Variants in LMNTD1 observed in about 807,000 individuals in gnomAD.
The protein encoded by LMNTD1 is lamin tail domain containing 1, also known as lamin tail domain-containing protein 1.
A neutral mutation model predicts 50.9 loss-of-function variants in LMNTD1; 35 were observed. The ratio of observed to expected loss-of-function variants is 0.69; its 90% CI spans 0.53 to 0.91. LMNTD1 has a LOEUF of 0.91. Among genes scored for constraint, LMNTD1 ranks in the 40% least tolerant of loss-of-function variants. LMNTD1 has a pLI of 0.00. For missense variants in LMNTD1, 470 were observed against 475.5 expected (o/e 0.99, Z 0.11); for synonymous variants, 153 against 161.9 (o/e 0.94, Z 0.42).
intron 6 of LMNTD1, 64 bp from the exon 7 acceptor site, chr12:25,520,139 GATATACATATATATAT>G (rs1474831609): frequency 0.025 from 3,735 of 152,446 alleles, 243 homozygotes; most frequent in African/African-American, 0.098. Flanking sequence ...GCTGTTATGA[GATATACATATATATAT>G]ATATATATAT....
intron 1 of LMNTD1, among the ~76,000 whole-genome samples, chr12:25,614,714 G>C (rs193010770): frequency 1.3e-5 from 2 of 152,276 alleles, no homozygotes; most frequent in East Asian, 3.9e-4. Flanking sequence ...TGGCAAATAG[G>C]GAAAGTGGCT....
At chr12:25,502,000 T>G (rs1939417722) in intron 9 of LMNTD1, among the ~76,000 whole-genome samples, 1 of 152,124 alleles carries the variant, frequency 6.6e-6, no homozygotes, top group Admixed American at 6.6e-5. Flanking sequence ...TAAGGCATCT[T>G]AGGAGGCCCA....
At chr12:25,557,742 C>T (rs1267988761), upstream of LMNTD1, among the ~76,000 whole-genome samples, 1 of 152,148 alleles carries the variant, frequency 6.6e-6, no homozygotes, top group East Asian at 1.9e-4. Flanking sequence ...CAACCACCAG[C>T]CCATGTGTCT....
In LMNTD1 at chr12:25,647,416, G is replaced by C. The variant is rs200121232; in HGVS notation, c.58+1078C>G. Among the ~76,000 whole-genome samples, 429 of 152,310 alleles carry C rather than the reference G, an allele frequency of 2.8e-3. 4 individuals are homozygous for C. Among genetic ancestry groups the C allele is most frequent in the South Asian group, 0.022 (108 of 4,826 alleles). On this transcript the variant is annotated intron_variant, in intron 1 of 7. Coordinates refer to the LMNTD1 transcript ENST00000445693. The stretch of plus-strand genomic sequence containing the variant: ...AGGTGGGAGGATGGCTTGAGCCTGG[G>C]GGGGCAGAGGTTGCAGTGAGCTGAG...
chr12:25,532,166 G>T (rs1001186541), intron 4 of LMNTD1, among the ~76,000 whole-genome samples: 3 of 151,792 alleles, frequency 2.0e-5, no homozygotes, highest in African/African-American at 7.2e-5. Context: ...TGTTTTTTTT[G>T]TTTGTTTGTT....
At chr12:25,617,523 C>T (rs1946374507) in intron 1 of LMNTD1, among the ~76,000 whole-genome samples, 1 of 152,078 alleles carries the variant, frequency 6.6e-6, no homozygotes, top group African/African-American at 2.4e-5. Context: ...GACACAGAGG[C>T]AGGTGACAGG....
chr12:25,632,266 G>C (rs1164599721), intron 1 of LMNTD1, among the ~76,000 whole-genome samples: 1 of 152,078 alleles, frequency 6.6e-6, no homozygotes, highest in African/African-American at 2.4e-5. Flanking sequence ...GGCCTTGCTA[G>C]TGTATCCAAA....
At chr12:25,592,301 A>G (rs1945724759) in intron 1 of LMNTD1, among the ~76,000 whole-genome samples, 1 of 152,234 alleles carries the variant, frequency 6.6e-6, no homozygotes, top group Non-Finnish European at 1.5e-5. Flanking sequence ...GAATGACTGC[A>G]GGCATACATT....
At chr12:25,519,430 CAAAAA>C (rs1226082792) in intron 7 of LMNTD1, among the ~76,000 whole-genome samples, 1 of 150,400 alleles carries the variant, frequency 6.6e-6, no homozygotes, top group Admixed American at 6.6e-5. Context: ...ACTAAAAATA[CAAAAA>C]AAATTAGCCG....
intron 5 of LMNTD1, among the ~76,000 whole-genome samples, chr12:25,526,552 C>A (rs1342501088): frequency 6.6e-6 from 1 of 152,022 alleles, no homozygotes. Context: ...AGATATTGTA[C>A]ACAAAATTGA....
chr12:25,531,003 A>C (rs1282541157), intron 4 of LMNTD1, among the ~76,000 whole-genome samples: 1 of 152,198 alleles, frequency 6.6e-6, no homozygotes, highest in Non-Finnish European at 1.5e-5. Context: ...GATTCGATGC[A>C]CTGTTGCTGG....
At chr12:25,543,024 T>C (rs1943199368) in intron 4 of LMNTD1, among the ~76,000 whole-genome samples, 1 of 151,864 alleles carries the variant, frequency 6.6e-6, no homozygotes, top group South Asian at 2.1e-4. Context: ...ATTGGACAAC[T>C]TAGATAAAAA....
At chr12:25,526,001 G>T in intron 6 of LMNTD1, 98 bp downstream of exon 6, 1 of 929,554 alleles carries the variant, frequency 1.1e-6, no homozygotes, top group Non-Finnish European at 1.5e-6. Context: ...TATGCACTTA[G>T]ACACATTGTA....
intron 1 of LMNTD1, among the ~76,000 whole-genome samples, chr12:25,568,460 T>C (rs1016630796): frequency 5.3e-5 from 8 of 152,170 alleles, no homozygotes; most frequent in Admixed American, 2.0e-4. Flanking sequence ...AGAACACAAG[T>C]GGACTGCAGA....
chr12:25,605,783 T>G (rs1946087242), intron 1 of LMNTD1, among the ~76,000 whole-genome samples: 1 of 152,236 alleles, frequency 6.6e-6, no homozygotes, highest in East Asian at 1.9e-4. Flanking sequence ...GTGTGATGCC[T>G]CCAGCTTTGT....
At chr12:25,569,748 G>C (rs1295255200) in intron 1 of LMNTD1, among the ~76,000 whole-genome samples, 1 of 152,060 alleles carries the variant, frequency 6.6e-6, no homozygotes, top group Non-Finnish European at 1.5e-5. Flanking sequence ...TTGCTCTCTT[G>C]CTCCCACTCT....
At chr12:25,616,003 T>C (rs2136549210) in intron 1 of LMNTD1, among the ~76,000 whole-genome samples, 1 of 152,194 alleles carries the variant, frequency 6.6e-6, no homozygotes, top group African/African-American at 2.4e-5. Context: ...CCAGACCCAG[T>C]GGTGAACCAA....
chr12:25,529,257 A>T (rs1942047679), intron 4 of LMNTD1, among the ~76,000 whole-genome samples: 1 of 151,822 alleles, frequency 6.6e-6, no homozygotes, highest in African/African-American at 2.4e-5. Flanking sequence ...GCCCTCTTTT[A>T]TTTCCCTCAT....
intron 4 of LMNTD1, among the ~76,000 whole-genome samples, chr12:25,543,028 A>G (rs531961959): frequency 1.3e-5 from 2 of 152,158 alleles, no homozygotes; most frequent in African/African-American, 4.8e-5. Context: ...GACAACTTAG[A>G]TAAAAATGGA....
Sources: gnomAD v4.1 joint callset for allele counts (sites outside exome capture counted in the v4.1 genomes callset) on GRCh38, gnomAD v4.1.1 for gene constraint, MANE v1.5 for transcripts, NCBI Gene and HGNC (gene_info 2026-07-23, HGNC 2026-07-21) for gene names.